The following PKHD1 variants were observed in gnomAD, a reference collection of about 807,000 sequenced individuals.
PKHD1 encodes the protein fibrocystin.
Under a neutral mutation model 412.0 loss-of-function variants are expected in PKHD1, and 291 were observed. The observed-to-expected ratio is 0.71, with a 90% CI of 0.64 to 0.78. The LOEUF (loss-of-function observed/expected upper bound fraction) is 0.78. Ranked by LOEUF, PKHD1 falls within the 30% of genes least tolerant of loss-of-function variation. PKHD1 has a pLI of 0.00. For missense variants in PKHD1, 4,825 were observed against 4,950.7 expected (o/e 0.97, Z 0.76); for synonymous variants, 1,777 against 1,821.5 (o/e 0.98, Z 0.62).
Position 51,883,206 on chromosome 6 carries a change from G to A in PKHD1, c.7237C>T (p.Arg2413Cys), listed in dbSNP as rs553534988. 50 of 1,613,242 alleles carry A rather than the reference G, an allele frequency of 3.1e-5. No homozygotes were observed. In the East Asian group the frequency reaches 5.3e-4, roughly 17 times the overall value. Residue 2413 changes from arginine (R) to cysteine (C), a missense_variant, in exon 46 of 67, where the codon CGC (arginine) becomes TGC (cysteine). By Grantham distance (180) the Arg-to-Cys change is radical. Transcript: ENST00000371117. ...GAATAAACTTTGAAGTTTTTCAGGCGAAGATTGCTACTTCTAAAAATCTAT... is the reference window on the plus strand; with the variant it reads ...GAATAAACTTTGAAGTTTTTCAGGCAAAGATTGCTACTTCTAAAAATCTAT... ...GAQIFRSSNL[R>C]LKNFKVYSCR...
intron 60 of PKHD1, among the ~76,000 whole-genome samples, chr6:51,665,578 G>C (rs533572263): frequency 6.6e-6 from 1 of 152,214 alleles, no homozygotes; most frequent in South Asian, 2.1e-4. Flanking sequence ...TGCCCTACAT[G>C]AGCTGAAAAG....
intron 60 of PKHD1, among the ~76,000 whole-genome samples, chr6:51,701,799 G>A (rs547962231): frequency 2.5e-4 from 38 of 151,956 alleles, no homozygotes; most frequent in Admixed American, 1.5e-3. Flanking sequence ...ATTTTATAGT[G>A]CAGAAGTCAG....
At chr6:51,941,185 C>T (rs540224797) in intron 36 of PKHD1, among the ~76,000 whole-genome samples, 41 of 150,804 alleles carry the variant, frequency 2.7e-4, no homozygotes, top group African/African-American at 9.9e-4. Context: ...CATCCCACAG[C>T]ACGCTTTAAA....
intron 60 of PKHD1, among the ~76,000 whole-genome samples, chr6:51,717,183 A>C (rs1463088725): frequency 6.6e-6 from 1 of 152,246 alleles, no homozygotes; most frequent in Non-Finnish European, 1.5e-5. Context: ...AGGCCAAGGC[A>C]GGCGGATCAC....
chr6:52,055,024 C>T (rs757098619), intron 19 of PKHD1, among the ~76,000 whole-genome samples: 3 of 152,142 alleles, frequency 2.0e-5, no homozygotes, highest in Non-Finnish European at 2.9e-5. Flanking sequence ...GTGGAGCTAT[C>T]GAAGCAAAGG....
At chr6:51,665,724 G>C (rs115252028) in intron 60 of PKHD1, among the ~76,000 whole-genome samples, 1,571 of 152,268 alleles carry the variant, frequency 0.01, 14 homozygotes, top group Middle Eastern at 0.014. Context: ...AGATTGTTGT[G>C]TTTAGATGCA....
At chr6:52,081,430 C>A (rs1812010125) in intron 4 of PKHD1, among the ~76,000 whole-genome samples, 1 of 152,188 alleles carries the variant, frequency 6.6e-6, no homozygotes, top group African/African-American at 2.4e-5. Context: ...AAACACATCC[C>A]CTGCCCTCAA....
intron 23 of PKHD1, among the ~76,000 whole-genome samples, chr6:52,046,986 G>A (rs894729172): frequency 6.6e-6 from 1 of 152,208 alleles, no homozygotes; most frequent in African/African-American, 2.4e-5. Flanking sequence ...GCCCTGAAGG[G>A]CTAATAAAAT....
At chr6:52,013,695 G>T (rs1800091260) in intron 34 of PKHD1, among the ~76,000 whole-genome samples, 1 of 151,974 alleles carries the variant, frequency 6.6e-6, no homozygotes, top group Non-Finnish European at 1.5e-5. Flanking sequence ...ATTTACTTTG[G>T]GGGATATGGT....
At position 51,830,786 on chromosome 6, in the gene PKHD1, A is replaced by G. The variant is rs1768104663; in HGVS notation, c.8302+75T>C. On this transcript the variant is annotated intron_variant, in intron 52 of 66. Coordinates refer to ENST00000371117, the MANE Select transcript of PKHD1 (RefSeq NM_138694.4). ...TTCCAAACTCTTTACTGTGTTGTAC[A>G]ATATAAATGAAACATAATCAGATCT... The G allele has an allele frequency of 4.4e-5, 60 of 1,370,012 alleles. 1 individual carries two copies. In the South Asian group the frequency reaches 6.4e-4, roughly 15 times the overall value. 84.9% of individuals were successfully genotyped at this position (1,370,012 alleles called of 1,614,324 possible).
chr6:52,041,117 C>G (rs781655900), intron 27 of PKHD1, among the ~76,000 whole-genome samples: 2 of 152,144 alleles, frequency 1.3e-5, no homozygotes, highest in African/African-American at 2.4e-5. Context: ...AAAGCAAAGC[C>G]AAGATTTTCC....
At chr6:51,937,954 C>T (rs1352329518) in intron 36 of PKHD1, among the ~76,000 whole-genome samples, 24 of 152,198 alleles carry the variant, frequency 1.6e-4, no homozygotes, top group Admixed American at 1.6e-3. Context: ...CCATCTTGTT[C>T]CTAGCCTCAC....
At chr6:51,718,246 G>A (rs923160800) in intron 60 of PKHD1, among the ~76,000 whole-genome samples, 1 of 152,128 alleles carries the variant, frequency 6.6e-6, no homozygotes, top group African/African-American at 2.4e-5. Flanking sequence ...TGTGGACCAC[G>A]GTTTACTAGG....
chr6:51,793,837 C>A (rs909248502), intron 52 of PKHD1, among the ~76,000 whole-genome samples: 3 of 152,088 alleles, frequency 2.0e-5, no homozygotes, highest in African/African-American at 4.8e-5. Context: ...TGAACGTATG[C>A]GTGCATGTGT....
rs368910131 is a variant in PKHD1 at position 51,972,457 on chromosome 6, C to G, written c.5752-12431G>C. On this transcript the variant is annotated intron_variant, in intron 35 of 66. Transcript: ENST00000371117. ...AATACCACAAAATTATCAATTGTACCTGAAGAATGAGGAAACCCAGGAAGA... is the reference window on the plus strand; with the variant it reads ...AATACCACAAAATTATCAATTGTACGTGAAGAATGAGGAAACCCAGGAAGA... Among the ~76,000 whole-genome samples the G allele has an allele frequency of 1.4e-4, 21 of 152,266 alleles. 1 individual carries two copies. The highest frequency in any genetic ancestry group is 4.8e-4 in the African/African-American group (20 of 41,550).
At chr6:52,022,966 T>C in intron 32 of PKHD1, 22 bp from the exon 33 acceptor site, 1 of 1,613,904 alleles carries the variant, frequency 6.2e-7, no homozygotes, top group Admixed American at 1.7e-5. Flanking sequence ...AAGGTACAAG[T>C]TCTTGATCAT....
chr6:52,054,101 C>T lies in PKHD1; in HGVS notation c.1901G>A (p.Gly634Asp). 6.2e-7 allele frequency: 1 copy of T among 1,613,772 alleles called. No individual in the cohort carries two copies. The highest frequency in any genetic ancestry group is 8.5e-7 in the Non-Finnish European group (1 of 1,179,698). The change falls in exon 20 of 67, where the codon GGC (glycine) becomes GAC (aspartate). Residue 634 changes from glycine (G) to aspartate (D), a missense_variant. Transcript: ENST00000371117. The stretch of plus-strand genomic sequence containing the variant: ...GGTATTCTTTACCATGTTTTGAAAG[C>T]CGATTGTGAAGGACACAATCATCTT... ...ILKMIVSFTI[G>D]FQNMVKNTTC...
At chr6:51,686,673 C>T (rs1373462570) in intron 60 of PKHD1, among the ~76,000 whole-genome samples, 1 of 152,110 alleles carries the variant, frequency 6.6e-6, no homozygotes, top group Non-Finnish European at 1.5e-5. Flanking sequence ...AAAGTAAGCC[C>T]TATGAGAGCA....
At chr6:51,835,366 T>C (rs1435243162) in intron 51 of PKHD1, among the ~76,000 whole-genome samples, 3 of 152,188 alleles carry the variant, frequency 2.0e-5, no homozygotes, top group South Asian at 4.1e-4. Flanking sequence ...AATTTGAACA[T>C]AGAAACTTTC....
Sources: gnomAD v4.1 joint callset for allele counts (sites outside exome capture counted in the v4.1 genomes callset) on GRCh38, gnomAD v4.1.1 for gene constraint, MANE v1.5 for transcripts, NCBI Gene and HGNC (gene_info 2026-07-23, HGNC 2026-07-21) for gene names.